EPS15: variants seen among roughly 807,000 people sequenced by gnomAD.
EPS15 encodes the protein epidermal growth factor receptor substrate 15.
Under a neutral mutation model 113.8 loss-of-function variants are expected in EPS15, and 72 were observed. That is an observed-to-expected ratio of 0.63 (90% CI 0.52 to 0.77). EPS15 has a LOEUF of 0.77. EPS15 is among the 30% of genes least tolerant of loss of function. The pLI, the probability that EPS15 is intolerant of heterozygous loss-of-function variation, is 0.00. For missense variants in EPS15, 1,048 were observed against 1,045.8 expected, an observed-to-expected ratio of 1.00 and a Z score of -0.03; for synonymous variants, 344 against 363.4, an observed-to-expected ratio of 0.95 and a Z score of 0.61.
intron 19 of EPS15, among the ~76,000 whole-genome samples, chr1:51,400,624 G>A (rs1401770035): frequency 1.4e-5 from 2 of 146,548 alleles, no homozygotes; most frequent in Non-Finnish European, 3.0e-5. Flanking sequence ...TTGAGCCCAG[G>A]AAGTCAAGGC....
intron 12 of EPS15, among the ~76,000 whole-genome samples, chr1:51,433,228 C>G (rs1651875375): frequency 6.6e-6 from 1 of 152,190 alleles, no homozygotes; most frequent in Non-Finnish European, 1.5e-5. Flanking sequence ...TCAGCTACTC[C>G]AACCAATATT....
chr1:51,444,710 G>C (rs1056750277), intron 11 of EPS15, among the ~76,000 whole-genome samples, 179 bp downstream of exon 11: 1 of 152,064 alleles, frequency 6.6e-6, no homozygotes, highest in Admixed American at 6.5e-5. Context: ...ACTGGCCAAG[G>C]ATGTTATACA....
At chr1:51,411,716 G>A (rs1427865503) in intron 13 of EPS15, among the ~76,000 whole-genome samples, 2 of 152,166 alleles carry the variant, frequency 1.3e-5, no homozygotes, top group African/African-American at 4.8e-5. Flanking sequence ...AACAGAAGCT[G>A]GAGAGGATGT....
intron 1 of EPS15, among the ~76,000 whole-genome samples, chr1:51,504,812 T>C (rs1220537797): frequency 2.6e-5 from 4 of 152,126 alleles, no homozygotes; most frequent in African/African-American, 4.8e-5. Flanking sequence ...CAAATATAAA[T>C]GGTGCAGCTG....
rs1250026639 is a variant in EPS15 at position 51,405,920 on chromosome 1, T to C, written c.1662A>G (p.Ile554Met). Reference sequence around the variant, plus strand: ...TTAGACTCACTGGAGATTCCTGGTGTATGGGCTCAGACTCTAGGTTGCTCT... The same window carrying C: ...TTAGACTCACTGGAGATTCCTGGTGCATGGGCTCAGACTCTAGGTTGCTCT... Reference protein sequence around the residue: ...EGQSNLESEPIHQESPARSSP... With the variant: ...EGQSNLESEPMHQESPARSSP... Residue 554 changes from isoleucine (I) to methionine (M), a missense_variant, in exon 16 of 25, where the codon ATA becomes ATG. Coordinates refer to ENST00000371733, the MANE Select transcript of EPS15 (RefSeq NM_001981.3). 7 of 1,614,104 alleles carry C rather than the reference T, an allele frequency of 4.3e-6. No homozygotes were observed. The South Asian group carries it at 7.7e-5, about 18-fold the overall frequency.
chr1:51,356,745 T>C lies in EPS15; in HGVS notation c.2646A>G (p.Leu882=), dbSNP rs752297074. The change falls in exon 25 of 25, where the codon TTA becomes TTG. Residue 882 remains leucine, a synonymous_variant. Transcript: ENST00000371733. The stretch of plus-strand genomic sequence containing the variant: ...ATTTGCTGAGTGCAATAGCCAGTTC[T>C]AAGTCTTCTTGTTCCTGCTGATTTA... ...ARLNQQEQED[L]ELAIALSKSE... 2.5e-6 allele frequency: 4 copies of C among 1,613,932 alleles called. No individual in the cohort carries two copies. The highest frequency in any genetic ancestry group is 3.4e-6 in the Non-Finnish European group (4 of 1,179,936).
intron 1 of EPS15, among the ~76,000 whole-genome samples, chr1:51,508,873 C>T (rs2148562757): frequency 6.6e-6 from 1 of 152,254 alleles, no homozygotes; most frequent in East Asian, 1.9e-4. Flanking sequence ...TAACTTGAAT[C>T]AAATGTTCCT....
chr1:51,492,904 C>T (rs191037422), intron 1 of EPS15, among the ~76,000 whole-genome samples: 25 of 152,322 alleles, frequency 1.6e-4, no homozygotes, highest in Non-Finnish European at 1.5e-4. Context: ...AGCTTGTCCA[C>T]ATTACACTAT....
At chr1:51,437,550 A>G (rs536043947) in intron 12 of EPS15, among the ~76,000 whole-genome samples, 12 of 150,334 alleles carry the variant, frequency 8.0e-5, no homozygotes, top group Non-Finnish European at 1.3e-4. Flanking sequence ...CTGGAGTGCA[A>G]TGGCTCACTG....
chr1:51,475,207 C>T (rs143043925), intron 2 of EPS15, among the ~76,000 whole-genome samples: 4,575 of 152,070 alleles, frequency 0.03, 75 homozygotes, highest in African/African-American at 0.05. Context: ...AGTAATGGGA[C>T]GGCTGGGTCA....
At chr1:51,513,108 G>C (rs906817712) in intron 1 of EPS15, among the ~76,000 whole-genome samples, 2 of 151,968 alleles carry the variant, frequency 1.3e-5, no homozygotes, top group African/African-American at 4.8e-5. Flanking sequence ...TGGAATTATA[G>C]GCCTGAGCCA....
chr1:51,369,846 T>C (rs955904293), intron 21 of EPS15, among the ~76,000 whole-genome samples: 3 of 152,216 alleles, frequency 2.0e-5, no homozygotes, highest in African/African-American at 7.2e-5. Flanking sequence ...TTCACAGCTG[T>C]ATCCTCAAGG....
chr1:51,431,078 T>C (rs1259693083), intron 12 of EPS15, among the ~76,000 whole-genome samples: 1 of 151,978 alleles, frequency 6.6e-6, no homozygotes, highest in Non-Finnish European at 1.5e-5. Flanking sequence ...ACAATTTCAT[T>C]CTTTCAACAA....
chr1:51,423,346 C>T, intron 12 of EPS15: 1 of 1,143,710 alleles, frequency 8.7e-7, no homozygotes, highest in Non-Finnish European at 1.1e-6. Flanking sequence ...ACCTCCAACC[C>T]TTATATAAAT....
At chr1:51,450,122 T>C (rs1384405313) in intron 8 of EPS15, among the ~76,000 whole-genome samples, 1 of 151,676 alleles carries the variant, frequency 6.6e-6, no homozygotes, top group Non-Finnish European at 1.5e-5. Context: ...TCTGGTATTT[T>C]TGGGCTTCAG....
At chr1:51,420,882 C>G (rs962530603) in intron 13 of EPS15, among the ~76,000 whole-genome samples, 10 of 152,118 alleles carry the variant, frequency 6.6e-5, no homozygotes, top group African/African-American at 2.4e-4. Context: ...GGGCCTAACA[C>G]AATTTAGAGT....
intron 12 of EPS15, among the ~76,000 whole-genome samples, chr1:51,431,993 A>G (rs751706868): frequency 1.3e-5 from 2 of 152,174 alleles, no homozygotes; most frequent in Admixed American, 6.5e-5. Context: ...TATTACCATT[A>G]CATTGTTTAC....
At chr1:51,386,783 GAAACGAAC>G (rs1243481556) in intron 21 of EPS15, among the ~76,000 whole-genome samples, 1 of 152,168 alleles carries the variant, frequency 6.6e-6, no homozygotes, top group African/African-American at 2.4e-5. Context: ...AGAATAAAAA[GAAACGAAC>G]AAAGCCTCCA....
chr1:51,412,068 G>A (rs1649771882), intron 13 of EPS15, among the ~76,000 whole-genome samples: 1 of 152,194 alleles, frequency 6.6e-6, no homozygotes, highest in Non-Finnish European at 1.5e-5. Flanking sequence ...GGACATGGAT[G>A]AAGCTGGAAA....
Sources: allele counts gnomAD v4.1 joint callset (sites outside exome capture counted in the v4.1 genomes callset), GRCh38; gene constraint gnomAD v4.1.1; transcripts MANE v1.5; gene names NCBI Gene and HGNC (gene_info 2026-07-23, HGNC 2026-07-21).